Variants in PTPRN2 observed in about 807,000 individuals in gnomAD.
PTPRN2 encodes the protein receptor-type tyrosine-protein phosphatase N2.
In PTPRN2, 74 loss-of-function variants were observed where a neutral mutation model predicts 118.8. That is an observed-to-expected ratio of 0.62 (90% CI 0.52 to 0.76). PTPRN2 has a LOEUF of 0.76. Ranked by LOEUF, PTPRN2 falls within the 30% of genes least tolerant of loss-of-function variation. The pLI is 0.00. For missense variants in PTPRN2, 1,481 were observed against 1,394.4 expected, an observed-to-expected ratio of 1.06 and a Z score of -0.99; for synonymous variants, 641 against 608.0, an observed-to-expected ratio of 1.05 and a Z score of -0.80.
intron 16 of PTPRN2, among the ~76,000 whole-genome samples, chr7:157,602,698 C>G (rs1268110629): frequency 1.3e-5 from 2 of 151,914 alleles, no homozygotes; most frequent in Non-Finnish European, 2.9e-5. Context: ...GCCGCTGAGA[C>G]CAGCAGAGCC....
chr7:157,618,470 T>C lies in PTPRN2; in HGVS notation c.2344+2892A>G, dbSNP rs143074882. ...CAGCTCGAGTGCCGTCCCCCCACCA[T>C]GACAGCGCAGCATGGGCCTTCCAAG... On this transcript the variant is annotated intron_variant, in intron 15 of 22. Transcript: ENST00000389418. The surrounding 1 kb of genome is among the most constrained non-coding windows in gnomAD (Gnocchi z 4.2). The C allele has an allele frequency of 4.5e-3, 685 of 152,548 alleles. 4 individuals are homozygous for C. Among genetic ancestry groups the C allele is most frequent in the Admixed American group, 0.011 (168 of 15,308 alleles). The allele number at this position is 152,548 out of a possible 1,614,324, so 9.4% of individuals were successfully genotyped here. A position where few individuals can be genotyped will look rare whatever the true frequency, so the allele number is the denominator to read the frequency against.
At chr7:157,555,255 T>C (rs996805801) in intron 21 of PTPRN2, among the ~76,000 whole-genome samples, 1 of 152,232 alleles carries the variant, frequency 6.6e-6, no homozygotes, top group Admixed American at 6.5e-5. Flanking sequence ...TTAAATACAT[T>C]TGTAAGACAA....
intron 12 of PTPRN2, among the ~76,000 whole-genome samples, chr7:157,758,780 C>T (rs59648093): frequency 0.021 from 3,243 of 151,970 alleles, 124 homozygotes; most frequent in African/African-American, 0.073. Flanking sequence ...CCAACCCTTG[C>T]TGCACAGCAG....
At chr7:158,296,917 C>G (rs1392910812) in intron 3 of PTPRN2, among the ~76,000 whole-genome samples, 2 of 152,188 alleles carry the variant, frequency 1.3e-5, no homozygotes, top group East Asian at 3.9e-4. Flanking sequence ...GGTGGACACG[C>G]CCGGCACTCA....
intron 3 of PTPRN2, among the ~76,000 whole-genome samples, chr7:158,207,493 AC>A (rs556242014): frequency 1.5e-3 from 222 of 152,246 alleles, no homozygotes; most frequent in African/African-American, 4.6e-3. Context: ...AAAAGAAACT[AC>A]CATCAGAGTG....
chr7:158,480,508 C>T (rs1456278198), intron 2 of PTPRN2, among the ~76,000 whole-genome samples: 3 of 152,222 alleles, frequency 2.0e-5, no homozygotes, highest in Non-Finnish European at 2.9e-5. Flanking sequence ...AAGAAAGAGC[C>T]GCACCTCTCT....
intron 10 of PTPRN2, among the ~76,000 whole-genome samples, chr7:158,086,160 T>C (rs534591470): frequency 9.2e-5 from 14 of 152,266 alleles, no homozygotes; most frequent in Admixed American, 8.5e-4. Context: ...TGCTTAGAAA[T>C]TCCAGGGGCC....
At chr7:157,571,368 T>C (rs1799751161) in intron 20 of PTPRN2, 72 bp downstream of exon 20, 1 of 1,189,836 alleles carries the variant, frequency 8.4e-7, no homozygotes, top group Non-Finnish European at 1.2e-6. Context: ...AAAGTTAAGC[T>C]TCTGTATTTA....
chr7:157,885,301 T>A (rs1355759729), intron 12 of PTPRN2, among the ~76,000 whole-genome samples: 4 of 152,144 alleles, frequency 2.6e-5, no homozygotes, highest in Non-Finnish European at 5.9e-5. Flanking sequence ...CCCTTACACC[T>A]GCAGCACGTT....
chr7:158,171,135 T>TAC (rs1322379913), intron 5 of PTPRN2, among the ~76,000 whole-genome samples: 1 of 91,486 alleles, frequency 1.1e-5, no homozygotes, highest in Non-Finnish European at 2.3e-5. Flanking sequence ...TACACATATA[T>TAC]ACACACATAT....
At chr7:158,228,811 C>T (rs972557733) in intron 3 of PTPRN2, among the ~76,000 whole-genome samples, 25 of 152,174 alleles carry the variant, frequency 1.6e-4, no homozygotes, top group African/African-American at 3.6e-4. Context: ...CTCTTGGGGG[C>T]CCTGGCTGGA....
At chr7:158,362,203 G>C (rs1261093512) in intron 2 of PTPRN2, among the ~76,000 whole-genome samples, 1 of 152,134 alleles carries the variant, frequency 6.6e-6, no homozygotes, top group East Asian at 1.9e-4. Flanking sequence ...ACTCAGCTCT[G>C]GGCTGTCCAG....
chr7:157,711,499 G>T (rs113846914), intron 12 of PTPRN2, among the ~76,000 whole-genome samples: 3,871 of 151,858 alleles, frequency 0.025, 176 homozygotes, highest in African/African-American at 0.09. Flanking sequence ...CCTGCAGCCC[G>T]GGGGAGTCCT....
At chr7:157,588,613 C>T (rs1800810549) in intron 17 of PTPRN2, among the ~76,000 whole-genome samples, 1 of 152,246 alleles carries the variant, frequency 6.6e-6, no homozygotes, top group Admixed American at 6.5e-5. Flanking sequence ...GAAAGCGTCA[C>T]TTTATCTCCT....
chr7:158,210,619 A>C (rs1035020467), intron 3 of PTPRN2, among the ~76,000 whole-genome samples: 3 of 152,170 alleles, frequency 2.0e-5, no homozygotes, highest in Non-Finnish European at 4.4e-5. Flanking sequence ...ATAAAATCAG[A>C]GATGAAAAAG....
chr7:158,417,383 C>T (rs6958983), intron 2 of PTPRN2, among the ~76,000 whole-genome samples: 66,780 of 150,382 alleles, frequency 0.44, 15,475 homozygotes, highest in Non-Finnish European at 0.49. Flanking sequence ...CATCGAGATG[C>T]TGTAGCTTTC....
intron 1 of PTPRN2, among the ~76,000 whole-genome samples, chr7:158,511,525 C>T (rs908837644): frequency 6.6e-6 from 1 of 152,248 alleles, no homozygotes; most frequent in Non-Finnish European, 1.5e-5. Context: ...GCCATCCACA[C>T]AGGCTGGTGC....
At chr7:158,042,420 G>A (rs1808541933) in intron 11 of PTPRN2, among the ~76,000 whole-genome samples, 3 of 152,174 alleles carry the variant, frequency 2.0e-5, no homozygotes, top group Admixed American at 2.0e-4. Context: ...ACACAGGGTA[G>A]GATCCACGTC....
intron 12 of PTPRN2, among the ~76,000 whole-genome samples, chr7:157,771,983 GAC>G (rs959708173): frequency 2.0e-5 from 3 of 147,522 alleles, no homozygotes; most frequent in Admixed American, 2.0e-4. Context: ...CATACACACG[GAC>G]ACACATGAAC....
Sources: allele counts gnomAD v4.1 joint callset (sites outside exome capture counted in the v4.1 genomes callset), GRCh38; gene constraint gnomAD v4.1.1; non-coding constraint Gnocchi (gnomAD v3.1); transcripts MANE v1.5; gene names NCBI Gene and HGNC (gene_info 2026-07-23, HGNC 2026-07-21).